Variants in NPSR1 observed in about 807,000 individuals in gnomAD.
The protein encoded by NPSR1 is neuropeptide S receptor.
Under a neutral mutation model 46.9 loss-of-function variants are expected in NPSR1, and 48 were observed. The ratio of observed to expected loss-of-function variants is 1.02; its 90% CI spans 0.81 to 1.30. The LOEUF (loss-of-function observed/expected upper bound fraction) is 1.30. NPSR1 is among the 50% of genes most tolerant of loss of function. The pLI is 0.00. For synonymous variants in NPSR1, 176 were observed against 168.1 expected, an observed-to-expected ratio of 1.05 and a Z score of -0.36; for missense variants, 450 against 449.5, an observed-to-expected ratio of 1.00 and a Z score of -0.01.
At chr7:34,730,371 G>C (rs921172460) in intron 2 of NPSR1, among the ~76,000 whole-genome samples, 1 of 152,132 alleles carries the variant, frequency 6.6e-6, no homozygotes, top group Non-Finnish European at 1.5e-5. Flanking sequence ...CCTCTGGCCT[G>C]AACAGTCTTC....
At chr7:34,827,710 C>T (rs918475783) in intron 5 of NPSR1, 108 bp downstream of exon 5, 2 of 778,002 alleles carry the variant, frequency 2.6e-6, no homozygotes, top group Admixed American at 2.4e-5. Flanking sequence ...TCCTAGTGCC[C>T]TTGAGGGAAC....
intron 3 of NPSR1, among the ~76,000 whole-genome samples, chr7:34,810,676 T>C (rs1172480436): frequency 1.3e-5 from 2 of 152,212 alleles, no homozygotes; most frequent in African/African-American, 4.8e-5. Flanking sequence ...GGAATGTCAA[T>C]TGTGGCAGAA....
At chr7:34,745,577 G>T (rs1785160361) in intron 2 of NPSR1, among the ~76,000 whole-genome samples, 1 of 152,084 alleles carries the variant, frequency 6.6e-6, no homozygotes, top group Non-Finnish European at 1.5e-5. Flanking sequence ...GAAGTGCACT[G>T]GCATGATCAC....
chr7:34,834,320 T>C (rs942161692), intron 5 of NPSR1, 64 bp from the exon 6 acceptor site: 1 of 1,274,234 alleles, frequency 7.8e-7, no homozygotes, highest in Admixed American at 1.7e-5. Flanking sequence ...GGAGTGGTCT[T>C]CTCTGTGTCC....
chr7:34,729,065 C>G (rs774645307), intron 2 of NPSR1, among the ~76,000 whole-genome samples: 1 of 152,112 alleles, frequency 6.6e-6, no homozygotes, highest in Non-Finnish European at 1.5e-5. Context: ...TAGTCATCAC[C>G]CACTCAGAGG....
At chr7:34,827,897 C>A (rs895184744) in intron 5 of NPSR1, among the ~76,000 whole-genome samples, 8 of 152,146 alleles carry the variant, frequency 5.3e-5, no homozygotes, top group African/African-American at 1.9e-4. Context: ...TCCATTGCCC[C>A]AATTTAATGA....
intron 2 of NPSR1, among the ~76,000 whole-genome samples, chr7:34,723,090 A>G (rs1783947347): frequency 6.6e-6 from 1 of 152,150 alleles, no homozygotes; most frequent in Non-Finnish European, 1.5e-5. Context: ...ATTAAGCCAG[A>G]GCAAATCCGT....
intron 2 of NPSR1, among the ~76,000 whole-genome samples, chr7:34,737,338 T>C (rs1386658937): frequency 6.6e-6 from 1 of 151,900 alleles, no homozygotes; most frequent in East Asian, 1.9e-4. Context: ...TGCTGTTCTT[T>C]CTCAAACACT....
At chr7:34,675,544 T>C (rs147503929) in intron 1 of NPSR1, among the ~76,000 whole-genome samples, 1 of 152,356 alleles carries the variant, frequency 6.6e-6, no homozygotes, top group Non-Finnish European at 1.5e-5. Flanking sequence ...CAAGTTTCCA[T>C]CTGACAGAGA....
Position 34,748,889 on chromosome 7 carries a change from G to C in NPSR1, c.281-29573G>C, listed in dbSNP as rs189380477. ...TGCATTCATCTTCCCCCCAGTACCT[G>C]AATCTGTGACCAATGGAACTGAGGA... On this transcript the variant is annotated intron_variant, in intron 2 of 8. Coordinates refer to ENST00000360581, the MANE Select transcript of NPSR1 (RefSeq NM_207172.2). 6.6e-5 allele frequency among the ~76,000 whole-genome samples: 10 copies of C among 152,188 alleles called. No individual in the cohort carries two copies. The East Asian group carries it at 1.4e-3, about 21-fold the overall frequency.
At position 34,767,638 on chromosome 7, in the gene NPSR1, A is replaced by G. The variant is rs143219557; in HGVS notation, c.281-10824A>G. ...TATTTAAAAATGATGGGACAATATC[A>G]AATAGTCTAAAATATATGTCATTGA... On this transcript the variant is annotated intron_variant, in intron 2 of 8. Transcript: ENST00000360581. 1.1e-3 allele frequency among the ~76,000 whole-genome samples: 164 copies of G among 152,306 alleles called. 1 individual carries two copies. Among genetic ancestry groups the G allele is most frequent in the African/African-American group, 3.9e-3 (161 of 41,580 alleles).
At chr7:34,711,607 G>C (rs35914119) in intron 2 of NPSR1, 110 of 152,284 alleles carry the variant, frequency 7.2e-4, no homozygotes, top group African/African-American at 2.6e-3. Flanking sequence ...GATTTAATTG[G>C]TATGAAGCCA....
rs185059917 is a variant in NPSR1, at chr7:34,745,140, C to A, written c.281-33322C>A. ...GGGACAACTATATTGGCATCCTTTA[C>A]TGATTATAGAACATTCCTAGTCACT... On this transcript the variant is annotated intron_variant, in intron 2 of 8. Transcript: ENST00000360581. Among the ~76,000 whole-genome samples the A allele has an allele frequency of 1.7e-3, 259 of 152,318 alleles. 3 individuals are homozygous for A. Among genetic ancestry groups the A allele is most frequent in the Non-Finnish European group, 2.6e-3 (174 of 68,022 alleles).
At chr7:34,851,817 ATT>A (rs1790941114), downstream of NPSR1, among the ~76,000 whole-genome samples, 1 of 152,150 alleles carries the variant, frequency 6.6e-6, no homozygotes, top group Admixed American at 6.5e-5. Context: ...TGTGAACATG[ATT>A]TTTTAGTTGT....
chr7:34,680,159 C>CA (rs1160298915), intron 1 of NPSR1, among the ~76,000 whole-genome samples: 2 of 151,686 alleles, frequency 1.3e-5, no homozygotes. Context: ...CTAACCAATG[C>CA]AAAAAAATGG....
At chr7:34,789,306 G>A (rs1344516562) in intron 3 of NPSR1, among the ~76,000 whole-genome samples, 1 of 151,602 alleles carries the variant, frequency 6.6e-6, no homozygotes, top group Non-Finnish European at 1.5e-5. Flanking sequence ...AGAGAAGAAA[G>A]AAAACAAATG....
chr7:34,697,483 C>A (rs1364625885), intron 2 of NPSR1, among the ~76,000 whole-genome samples: 1 of 151,840 alleles, frequency 6.6e-6, no homozygotes, highest in Non-Finnish European at 1.5e-5. Context: ...GTTCCAGAAT[C>A]CCCTGCCAAT....
At chr7:34,667,450 C>G (rs1341170775) in intron 1 of NPSR1, among the ~76,000 whole-genome samples, 1 of 152,196 alleles carries the variant, frequency 6.6e-6, no homozygotes. Flanking sequence ...TCTTCCCCAT[C>G]AAAGGCCAGC....
chr7:34,809,521 TGG>T (rs1173816795), intron 3 of NPSR1, among the ~76,000 whole-genome samples: 1 of 146,676 alleles, frequency 6.8e-6, no homozygotes, highest in East Asian at 2.0e-4. Context: ...TGGAGTGCAG[TGG>T]CGCAATCTCG....
Sources: gnomAD v4.1 joint callset for allele counts (sites outside exome capture counted in the v4.1 genomes callset) on GRCh38, gnomAD v4.1.1 for gene constraint, MANE v1.5 for transcripts, NCBI Gene and HGNC (gene_info 2026-07-23, HGNC 2026-07-21) for gene names.